Variants in CUX2 observed in about 807,000 individuals in gnomAD.
The protein encoded by CUX2 is cut like homeobox 2.
Under a neutral mutation model 144.8 loss-of-function variants are expected in CUX2, and 40 were observed. The ratio of observed to expected loss-of-function variants is 0.28; its 90% CI spans 0.21 to 0.36. The LOEUF is 0.36. Among genes scored for constraint, CUX2 ranks in the 10% least tolerant of loss-of-function variants. The probability of loss-of-function intolerance (pLI) is 1.00; values close to 1 mark genes in which losing one functional copy is unlikely to be tolerated. For synonymous variants in CUX2, 827 were observed against 875.6 expected, an observed-to-expected ratio of 0.94 and a Z score of 0.98; for missense variants, 1,615 against 1,994.0, an observed-to-expected ratio of 0.81 and a Z score of 3.62.
chr12:111,260,136 C>T lies in CUX2; in HGVS notation c.223-3625C>T, dbSNP rs369056960. On this transcript the variant is annotated intron_variant, in intron 3 of 21. Transcript: ENST00000261726. ...CGAGATCACACCACTGCACTCCAGC[C>T]TAGGCAATACAGCGAGACTGTCCAA... Among the ~76,000 whole-genome samples, 8 of 151,376 alleles carry T rather than the reference C, an allele frequency of 5.3e-5. No individual in the cohort carries two copies. In the East Asian group the frequency reaches 9.7e-4, roughly 18 times the overall value.
intron 4 of CUX2, among the ~76,000 whole-genome samples, chr12:111,280,335 A>G (rs1278696261): frequency 6.6e-6 from 1 of 152,174 alleles, no homozygotes; most frequent in Non-Finnish European, 1.5e-5. Context: ...AGGTCACATG[A>G]CAACGAAGGC....
intron 1 of CUX2, among the ~76,000 whole-genome samples, chr12:111,174,245 G>C (rs1490910308): frequency 6.6e-6 from 1 of 152,232 alleles, no homozygotes; most frequent in African/African-American, 2.4e-5. Flanking sequence ...GAGCCAGGGA[G>C]GCCCCTGCAA....
chr12:111,145,127 G>T (rs1465946448), intron 1 of CUX2, among the ~76,000 whole-genome samples: 1 of 152,108 alleles, frequency 6.6e-6, no homozygotes, highest in African/African-American at 2.4e-5. Context: ...CTCTTTCCTC[G>T]AGCTGTCAGG....
At chr12:111,187,850 C>G (rs1055140003) in intron 1 of CUX2, among the ~76,000 whole-genome samples, 1 of 152,218 alleles carries the variant, frequency 6.6e-6, no homozygotes, top group African/African-American at 2.4e-5. Flanking sequence ...GAGAATGGGC[C>G]TGGAGTGCTG....
At chr12:111,184,573 C>CA (rs71445536) in intron 1 of CUX2, among the ~76,000 whole-genome samples, 2,974 of 46,718 alleles carry the variant, frequency 0.064, 217 homozygotes, top group East Asian at 0.13. Context: ...TTCTCTCTAC[C>CA]AAAAAAAAAA....
intron 3 of CUX2, among the ~76,000 whole-genome samples, chr12:111,249,431 T>A (rs1052407386): frequency 4.2e-4 from 52 of 123,820 alleles, no homozygotes; most frequent in Middle Eastern, 4.2e-3. Flanking sequence ...TTTAAATTAA[T>A]AGACCCTTTT....
rs190659651 is a variant in CUX2, at chr12:111,263,603, C to T, written c.223-158C>T. Among the ~76,000 whole-genome samples, 61 of 151,738 alleles carry T rather than the reference C, an allele frequency of 4.0e-4. No individual in the cohort carries two copies. In the East Asian group the frequency reaches 7.4e-3, roughly 18 times the overall value. On this transcript the variant is annotated intron_variant, in intron 3 of 21. Transcript: ENST00000261726. The surrounding 1 kb of genome is among the most constrained non-coding windows in gnomAD (Gnocchi z 4.0). ...TCATTCTATGGCACTCCAGCCTGGG[C>T]GACAGAGCAAGACTCTCTCTCAAAA...
At chr12:111,288,989 C>T (rs939129528) in intron 4 of CUX2, among the ~76,000 whole-genome samples, 5 of 151,576 alleles carry the variant, frequency 3.3e-5, no homozygotes, top group Non-Finnish European at 5.9e-5. Flanking sequence ...CAGGCGTGGT[C>T]GCACACACCT....
At chr12:111,306,874 C>T in intron 10 of CUX2, 47 bp from the exon 11 acceptor site, 1 of 1,494,446 alleles carries the variant, frequency 6.7e-7, no homozygotes. Flanking sequence ...GACCTGTGGA[C>T]CCCCATCCCT....
chr12:111,079,100 T>C (rs1326154835), intron 1 of CUX2, among the ~76,000 whole-genome samples: 1 of 152,214 alleles, frequency 6.6e-6, no homozygotes, highest in East Asian at 1.9e-4. Flanking sequence ...TAAGATCAGA[T>C]AGATGTGGGA....
At chr12:111,276,883 G>A (rs573471162) in intron 4 of CUX2, among the ~76,000 whole-genome samples, 17 of 152,284 alleles carry the variant, frequency 1.1e-4, no homozygotes, top group African/African-American at 3.8e-4. Context: ...CCTAGACCTC[G>A]TGATCTGCCC....
chr12:111,146,349 T>A (rs1876671226), intron 1 of CUX2, among the ~76,000 whole-genome samples: 1 of 152,234 alleles, frequency 6.6e-6, no homozygotes, highest in Admixed American at 6.5e-5. Flanking sequence ...TACTTATCCC[T>A]CTTTCCCCCA....
rs1348967949 is a variant in CUX2 at position 111,160,943 on chromosome 12, T to C, written c.64-53257T>C. Among the ~76,000 whole-genome samples, 1 of 151,794 alleles carries C rather than the reference T, an allele frequency of 6.6e-6. No homozygotes were observed. Among genetic ancestry groups the C allele is most frequent in the Non-Finnish European group, 1.5e-5 (1 of 67,922 alleles). ...AGCGGGAGCAGATGGGACGTGAGAG[T>C]GCAGAGTTCCCTTTTGGCTATGGGT... On this transcript the variant is annotated intron_variant, in intron 1 of 21. Coordinates refer to ENST00000261726, the MANE Select transcript of CUX2 (RefSeq NM_015267.4). The surrounding 1 kb of genome is among the most constrained non-coding windows in gnomAD (Gnocchi z 4.1).
rs988532879 is a variant in CUX2, at chr12:111,077,211, G to A, written c.63+42971G>A. 2.6e-5 allele frequency among the ~76,000 whole-genome samples: 4 copies of A among 152,236 alleles called. No individual in the cohort carries two copies. Among genetic ancestry groups the A allele is most frequent in the South Asian group, 2.1e-4 (1 of 4,826 alleles). On this transcript the variant is annotated intron_variant, in intron 1 of 21. Coordinates refer to ENST00000261726, the MANE Select transcript of CUX2 (RefSeq NM_015267.4). This position sits in a 1 kb window ranked among gnomAD's most constrained non-coding sequence, Gnocchi z 4.1. ...ATTCCAAATAGTGCTCCCAAACCCC[G>A]CAGCGCCCCCGAGGCCCAAGCTGGC... is the stretch of plus-strand genomic sequence containing the variant.
Position 111,338,352 on chromosome 12 carries a change from G to A in CUX2, c.3263G>A (p.Arg1088Gln), listed in dbSNP as rs751220788. ...TQGSVSDLLS[R>Q]PKPWHKLSLK... ...GGCTCCGTGTCTGACCTGCTGTCCC[G>A]GCCCAAACCCTGGCACAAGCTGAGC... The change falls in exon 20 of 22, where the codon CGG becomes CAG. Residue 1088 changes from arginine (R) to glutamine (Q), a missense_variant. By Grantham distance (43) the Arg-to-Gln change is conservative. This residue lies in a region of CUX2 where 131 missense variants were observed against 223.1 expected (regional missense o/e 0.59). Coordinates refer to ENST00000261726, the MANE Select transcript of CUX2 (RefSeq NM_015267.4). 8 of 1,614,030 alleles carry A rather than the reference G, an allele frequency of 5.0e-6. No individual in the cohort carries two copies. Among genetic ancestry groups the A allele is most frequent in the Middle Eastern group, 1.7e-4 (1 of 6,046 alleles).
intron 1 of CUX2, among the ~76,000 whole-genome samples, chr12:111,185,880 G>A (rs1466972912): frequency 6.6e-6 from 1 of 152,036 alleles, no homozygotes; most frequent in Admixed American, 6.5e-5. Flanking sequence ...CTGCTAGGCA[G>A]TAGTTGGTCT....
At position 111,312,345 on chromosome 12, in the gene CUX2, G is replaced by A. The variant is rs1006027926; in HGVS notation, c.2002+144G>A. On this transcript the variant is annotated intron_variant, in intron 16 of 21. Transcript: ENST00000261726. This position sits in a 1 kb window ranked among gnomAD's most constrained non-coding sequence, Gnocchi z 4.3. The stretch of plus-strand genomic sequence containing the variant: ...GAGGCCAGAGGGACCTGTCTAGAGC[G>A]CATGGGTAGCTGTGGCACTGCTCAG... 7 of 620,672 alleles carry A rather than the reference G, an allele frequency of 1.1e-5. No individual in the cohort carries two copies. Among genetic ancestry groups the A allele is most frequent in the Admixed American group, 5.8e-5 (2 of 34,442 alleles). 38.4% of individuals were successfully genotyped at this position (620,672 alleles called of 1,614,324 possible). A position where few individuals can be genotyped will look rare whatever the true frequency, so the allele number is the denominator to read the frequency against.
chr12:111,194,860 C>T (rs1299267800), intron 1 of CUX2, among the ~76,000 whole-genome samples: 1 of 152,232 alleles, frequency 6.6e-6, no homozygotes, highest in African/African-American at 2.4e-5. Context: ...CTGAGCGAGG[C>T]AGCAAACTCC....
intron 5 of CUX2, among the ~76,000 whole-genome samples, chr12:111,291,779 G>A (rs997751481): frequency 2.6e-5 from 4 of 152,108 alleles, no homozygotes; most frequent in Non-Finnish European, 5.9e-5. Context: ...TTCTAGAAGG[G>A]GAGACTGTCA....
Sources: allele counts gnomAD v4.1 joint callset (sites outside exome capture counted in the v4.1 genomes callset), GRCh38; gene constraint gnomAD v4.1.1; regional missense constraint gnomAD v4.1.1; non-coding constraint Gnocchi (gnomAD v3.1); transcripts MANE v1.5; gene names NCBI Gene and HGNC (gene_info 2026-07-23, HGNC 2026-07-21).